The following PVT1 variants were observed in gnomAD, a reference collection of about 807,000 sequenced individuals.
The protein encoded by PVT1 is CXCR4/PVT1 fusion.
chr8:128,088,956 CAGGAGGCA>C (rs1329948805), intron 5 of PVT1, among the ~76,000 whole-genome samples: 1 of 152,164 alleles, frequency 6.6e-6, no homozygotes, highest in African/African-American at 2.4e-5. Context: ...GCCCTGACCC[CAGGAGGCA>C]GGTGCTGTGC....
intron 4 of PVT1, among the ~76,000 whole-genome samples, chr8:128,001,143 A>G (rs1000459054): frequency 7.9e-5 from 12 of 151,892 alleles, no homozygotes; most frequent in Admixed American, 7.2e-4. Context: ...CCTACCGCCC[A>G]CCTGCAGGTC....
At chr8:128,008,594 AATGTTAGTTTC>A (rs2130031318) in intron 4 of PVT1, among the ~76,000 whole-genome samples, 1 of 152,152 alleles carries the variant, frequency 6.6e-6, no homozygotes, top group South Asian at 2.1e-4. Context: ...GTTGCTTCTA[AATGTTAGTTTC>A]ATTGCTGCCT....
chr8:127,796,375 TG>T (rs1484834211), intron 2 of PVT1, among the ~76,000 whole-genome samples: 1 of 152,212 alleles, frequency 6.6e-6, no homozygotes, highest in Admixed American at 6.5e-5. Flanking sequence ...TTCTCCCCTC[TG>T]TTCTGACATA....
chr8:127,955,364 A>G (rs1404226629), intron 3 of PVT1, among the ~76,000 whole-genome samples: 2 of 152,164 alleles, frequency 1.3e-5, no homozygotes, highest in Non-Finnish European at 2.9e-5. Context: ...CACCCAGTCT[A>G]TACTCCTTTT....
chr8:127,938,642 A>G (rs1403345361), intron 3 of PVT1, among the ~76,000 whole-genome samples: 1 of 152,260 alleles, frequency 6.6e-6, no homozygotes, highest in Non-Finnish European at 1.5e-5. Flanking sequence ...ACCCTTAAAA[A>G]GAAATGCCAT....
chr8:127,954,442 GCAC>G (rs1816545323), intron 3 of PVT1, among the ~76,000 whole-genome samples: 1 of 151,962 alleles, frequency 6.6e-6, no homozygotes, highest in Admixed American at 6.6e-5. Flanking sequence ...CTACAGGCAC[GCAC>G]CACCACCCCC....
chr8:127,838,402 A>G (rs1814932450), intron 2 of PVT1, among the ~76,000 whole-genome samples: 2 of 151,976 alleles, frequency 1.3e-5, no homozygotes, highest in African/African-American at 2.4e-5. Flanking sequence ...AGTAAACCCT[A>G]TGGGGTCAAA....
intron 2 of PVT1, among the ~76,000 whole-genome samples, chr8:127,838,709 T>C (rs758950490): frequency 3.3e-5 from 5 of 152,170 alleles, no homozygotes; most frequent in Non-Finnish European, 5.9e-5. Context: ...ACTCTGATGA[T>C]AGTAATAAAT....
At chr8:127,949,080 G>A (rs1816462654) in intron 3 of PVT1, among the ~76,000 whole-genome samples, 2 of 152,196 alleles carry the variant, frequency 1.3e-5, no homozygotes, top group African/African-American at 2.4e-5. Flanking sequence ...TTTGGCTGGG[G>A]AGGGGAGATA....
At position 127,812,648 on chromosome 8, in the gene PVT1, A is replaced by G. The variant is rs140817391; in HGVS notation, n.372+16577A>G. Among the ~76,000 whole-genome samples, 725 of 144,060 alleles carry G rather than the reference A, an allele frequency of 5.0e-3. 4 individuals are homozygous for G. The highest frequency in any genetic ancestry group is 7.9e-3 in the Non-Finnish European group (520 of 65,794). 94.5% of individuals were successfully genotyped at this position (144,060 alleles called of 152,430 possible). The stretch of plus-strand genomic sequence containing the variant: ...AGAGAGGAAGGAAGGAAGGAAGGGA[A>G]GGGAAGGGAAGGAAGGGAGGGAAGG... On this transcript the variant is annotated intron_variant and non_coding_transcript_variant, in intron 2 of 10. Coordinates refer to ENST00000651587, the Ensembl canonical transcript of PVT1.
At chr8:127,911,634 G>A (rs1815899404) in intron 3 of PVT1, among the ~76,000 whole-genome samples, 2 of 152,248 alleles carry the variant, frequency 1.3e-5, no homozygotes, top group Non-Finnish European at 2.9e-5. Context: ...CTGTTTTACA[G>A]TTGAGGAAAC....
intron 4 of PVT1, among the ~76,000 whole-genome samples, chr8:128,015,093 T>C (rs1287256059): frequency 1.3e-5 from 2 of 150,502 alleles, no homozygotes; most frequent in Admixed American, 6.6e-5. Flanking sequence ...ATTTATTTAT[T>C]ATTTATTTAT....
chr8:128,041,610 G>C (rs1185222491), intron 4 of PVT1, among the ~76,000 whole-genome samples: 1 of 88,802 alleles, frequency 1.1e-5, no homozygotes, highest in Non-Finnish European at 2.5e-5. Context: ...ACATGTGTTT[G>C]GTGTGTGTGT....
At chr8:127,949,379 CTGTGTGTGTGTGTGTGTGTGTGTGTG>C (rs61425056) in intron 3 of PVT1, among the ~76,000 whole-genome samples, 2 of 111,258 alleles carry the variant, frequency 1.8e-5, no homozygotes, top group African/African-American at 3.3e-5. Flanking sequence ...ACTCCAGGAG[CTGTGTGTGTGTGTGTGTGTGTGTGTG>C]TGTGTGTGTG....
chr8:127,862,977 A>G (rs1440837861), intron 2 of PVT1, among the ~76,000 whole-genome samples: 5 of 152,096 alleles, frequency 3.3e-5, no homozygotes, highest in African/African-American at 1.2e-4. Flanking sequence ...CTCCATTTCT[A>G]TGGGGGACAT....
chr8:127,821,787 G>T (rs1482623865), intron 2 of PVT1, among the ~76,000 whole-genome samples: 1 of 152,082 alleles, frequency 6.6e-6, no homozygotes, highest in Non-Finnish European at 1.5e-5. Context: ...ACTCCAGCCT[G>T]GGCGACAGAG....
chr8:127,885,792 C>T (rs1342575202), intron 2 of PVT1, among the ~76,000 whole-genome samples: 1 of 152,144 alleles, frequency 6.6e-6, no homozygotes, highest in African/African-American at 2.4e-5. Context: ...GAGTAAGAAA[C>T]GTAGTAAATT....
chr8:128,028,812 T>C (rs1391448187), intron 4 of PVT1, among the ~76,000 whole-genome samples: 2 of 151,962 alleles, frequency 1.3e-5, no homozygotes, highest in African/African-American at 4.8e-5. Flanking sequence ...GAAAGAGGGG[T>C]CTCCTGTTCC....
At chr8:128,002,029 C>T (rs964672489) in intron 4 of PVT1, among the ~76,000 whole-genome samples, 4 of 152,200 alleles carry the variant, frequency 2.6e-5, no homozygotes, top group Non-Finnish European at 5.9e-5. Context: ...CACAATCCTG[C>T]TCGACCGAAT....
Sources: gnomAD v4.1 joint callset for allele counts (sites outside exome capture counted in the v4.1 genomes callset) on GRCh38, gnomAD v4.1.1 for gene constraint, MANE v1.5 for transcripts, NCBI Gene and HGNC (gene_info 2026-07-23, HGNC 2026-07-21) for gene names.